Variants in MRPL32 observed in about 807,000 individuals in gnomAD.
MRPL32 encodes the protein mitochondrial ribosomal protein L32.
MRPL32 carries 14 observed loss-of-function variants against 21.7 expected under a neutral mutation model. The observed-to-expected ratio is 0.64, with a 90% CI of 0.43 to 1.01. The LOEUF is 1.01. MRPL32 is among the 50% of genes least tolerant of loss of function. The pLI is 0.00. For synonymous variants in MRPL32, 83 were observed against 87.7 expected, an observed-to-expected ratio of 0.95 and a Z score of 0.30; for missense variants, 211 against 235.9, an observed-to-expected ratio of 0.89 and a Z score of 0.69.
In MRPL32 at chr7:42,932,600, C is replaced by T; in HGVS notation, c.130+84C>T. 3 of 1,422,280 alleles carry T rather than the reference C, an allele frequency of 2.1e-6. No homozygotes were observed. The African/African-American group carries it at 4.3e-5, about 20-fold the overall frequency. 88.1% of individuals were successfully genotyped at this position (1,422,280 alleles called of 1,614,324 possible). On this transcript the variant is annotated intron_variant, in intron 1 of 2. Coordinates refer to ENST00000223324, the MANE Select transcript of MRPL32 (RefSeq NM_031903.3). ...GCAGACGCAGCTTACACAGTTCGCC[C>T]TCAGCCCCGGTTCTGATCCGCGGCC...
At chr7:42,934,226 C>T (rs1277034448) in intron 1 of MRPL32, among the ~76,000 whole-genome samples, 1 of 150,570 alleles carries the variant, frequency 6.6e-6, no homozygotes, top group Admixed American at 6.6e-5. Context: ...CGAGGTCACG[C>T]CACTGCACTC....
In MRPL32 at chr7:42,932,456, T is replaced by C; in HGVS notation, c.70T>C (p.Trp24Arg). The C allele has an allele frequency of 6.2e-7, 1 of 1,612,480 alleles. No homozygotes were observed. The highest frequency in any genetic ancestry group is 8.5e-7 in the Non-Finnish European group (1 of 1,178,804). The change falls in exon 1 of 3, where the codon TGG (tryptophan) becomes CGG (arginine). Residue 24 changes from tryptophan (W) to arginine (R), a missense_variant. This residue lies in a region of MRPL32 where 81 missense variants were observed against 55.8 expected (regional missense o/e 1.45). Coordinates refer to ENST00000223324, the MANE Select transcript of MRPL32 (RefSeq NM_031903.3). ...GGCCCGGGGAGTGCTTCGAAACTAC[T>C]GGGAGCGACTGCTACGGAAGCTTCC... ...SAARGVLRNYWERLLRKLPQS... is the reference protein window; with the variant it reads ...SAARGVLRNYRERLLRKLPQS...
At position 42,935,119 on chromosome 7, in the gene MRPL32, A is replaced by C. The variant is rs768035063; in HGVS notation, c.295A>C (p.Lys99Gln). The change falls in exon 2 of 3, where the codon AAG becomes CAG. Residue 99 changes from lysine to glutamine, a missense_variant. This residue lies in a region of MRPL32 where 130 missense variants were observed against 180.1 expected (regional missense o/e 0.72). Coordinates refer to ENST00000223324, the MANE Select transcript of MRPL32 (RefSeq NM_031903.3). Reference sequence around the variant, plus strand: ...CCGGTGTAGGAGAAGAAATCCGCAGAAGCTTATTAAAGTTAAGGTAATGCA... The same window carrying C: ...CCGGTGTAGGAGAAGAAATCCGCAGCAGCTTATTAAAGTTAAGGTAATGCA... The part of the protein sequence containing the change: ...VNRCRRRNPQ[K>Q]LIKVKNNIDV... 4.3e-6 allele frequency: 7 copies of C among 1,610,178 alleles called. No homozygotes were observed. In the African/African-American group the frequency reaches 9.4e-5, roughly 22 times the overall value.
intron 2 of MRPL32, chr7:42,935,541 A>G (rs987757088): frequency 6.5e-6 from 1 of 154,926 alleles, no homozygotes; most frequent in Non-Finnish European, 1.4e-5. Context: ...ACAAGCCCTT[A>G]CATATTTGTT....
At chr7:42,932,581 G>C (rs1243395510) in intron 1 of MRPL32, 65 bp downstream of exon 1, 8 of 1,503,770 alleles carry the variant, frequency 5.3e-6, no homozygotes, top group African/African-American at 2.8e-5. Context: ...CGTAGCAGAC[G>C]CAGCTTACAC....
chr7:42,932,419 G>A lies in MRPL32; in HGVS notation c.33G>A (p.Ser11=). 1 of 1,611,426 alleles carries A rather than the reference G, an allele frequency of 6.2e-7. No individual in the cohort carries two copies. The highest frequency in any genetic ancestry group is 8.5e-7 in the Non-Finnish European group (1 of 1,178,518). ...TGGCCATGCTGGTCTTGGTGGTTTC[G>A]CCGTGGTCTGCGGCCCGGGGAGTGC... MALAMLVLVV[S]PWSAARGVLR... Residue 11 remains serine, a synonymous_variant, in exon 1 of 3, where the codon TCG becomes TCA. Coordinates refer to ENST00000223324, the MANE Select transcript of MRPL32 (RefSeq NM_031903.3).
chr7:42,935,160 G>T, intron 2 of MRPL32, 24 bp downstream of exon 2: 1 of 1,593,738 alleles, frequency 6.3e-7, no homozygotes, highest in Non-Finnish European at 8.6e-7. Flanking sequence ...TTTTGTGGGT[G>T]TGCTTTTCCT....
In MRPL32 at chr7:42,937,391, G is replaced by A. The variant is rs1562706990; in HGVS notation, c.382G>A (p.Glu128Lys). 3 of 1,614,224 alleles carry A rather than the reference G, an allele frequency of 1.9e-6. No homozygotes were observed. In the South Asian group the frequency reaches 3.3e-5, roughly 18 times the overall value. Reference protein sequence around the residue: ...QKHVLCAYCYEKVCKETAEIR... With the variant: ...QKHVLCAYCYKKVCKETAEIR... Reference sequence around the variant, plus strand: ...ACATGTCCTTTGTGCCTACTGCTATGAAAAGGTGTGCAAGGAGACTGCAGA... The same window carrying A: ...ACATGTCCTTTGTGCCTACTGCTATAAAAAGGTGTGCAAGGAGACTGCAGA... Residue 128 changes from glutamate (E) to lysine (K), a missense_variant, in exon 3 of 3, where the codon GAA (glutamate) becomes AAA (lysine). Physicochemically the swap from Glu to Lys is moderately conservative, Grantham distance 56. Around this residue, in one of 2 missense-constraint regions of MRPL32, gnomAD observed 130 missense variants for 180.1 expected, o/e 0.72. Transcript: ENST00000223324.
intron 2 of MRPL32, chr7:42,936,614 A>G (rs1004857870): frequency 1.3e-5 from 2 of 151,144 alleles, no homozygotes; most frequent in Non-Finnish European, 2.9e-5. Context: ...GAATAAGTTG[A>G]TAAATCTTTT....
At chr7:42,934,917 A>C in intron 1 of MRPL32, 38 bp from the exon 2 acceptor site, 2 of 1,475,418 alleles carry the variant, frequency 1.4e-6, no homozygotes, top group Non-Finnish European at 1.8e-6. Flanking sequence ...TTTAGAAGCT[A>C]GAAACTAATT....
At position 42,935,214 on chromosome 7, in the gene MRPL32, A is replaced by G. The variant is rs1786406297; in HGVS notation, c.312+78A>G. ...AGCTCATGGTAGATTCCTATAGCCT[A>G]GGAATAAATTATTATCAGATTATAT... On this transcript the variant is annotated intron_variant, in intron 2 of 2. Transcript: ENST00000223324. The G allele has an allele frequency of 3.2e-6, 4 of 1,244,790 alleles. No individual in the cohort carries two copies. The South Asian group carries it at 5.9e-5, about 18-fold the overall frequency. The allele number at this position is 1,244,790 out of a possible 1,614,324, so 77.1% of individuals were successfully genotyped here. A position where few individuals can be genotyped will look rare whatever the true frequency, so the allele number is the denominator to read the frequency against.
chr7:42,934,360 CT>C (rs1184545261), intron 1 of MRPL32, among the ~76,000 whole-genome samples: 1 of 151,498 alleles, frequency 6.6e-6, no homozygotes, highest in Non-Finnish European at 1.5e-5. Context: ...AAAAGAGAAA[CT>C]TTGATAGTCA....
At chr7:42,932,543 A>G in intron 1 of MRPL32, 27 bp downstream of exon 1, 1 of 1,575,450 alleles carries the variant, frequency 6.3e-7, no homozygotes, top group South Asian at 1.1e-5. Context: ...TCCGTGGGAG[A>G]GGGGGCTGAT....
chr7:42,935,025 G>A lies in MRPL32; in HGVS notation c.201G>A (p.Glu67=). 1 of 1,614,010 alleles carries A rather than the reference G, an allele frequency of 6.2e-7. No individual in the cohort carries two copies. Among genetic ancestry groups the A allele is most frequent in the South Asian group, 1.1e-5 (1 of 91,076 alleles). The change falls in exon 2 of 3, where the codon GAG becomes GAA. Residue 67 remains glutamate, a synonymous_variant. Coordinates refer to ENST00000223324, the MANE Select transcript of MRPL32 (RefSeq NM_031903.3). ...CAAATGATACCAGTGGAAGTAAAGA[G>A]AATTCCAGCCTTTTGGACAGTATCT... ...EPANDTSGSK[E]NSSLLDSIFW...
At chr7:42,934,663 A>G (rs2128676031) in intron 1 of MRPL32, among the ~76,000 whole-genome samples, 1 of 152,330 alleles carries the variant, frequency 6.6e-6, no homozygotes, top group South Asian at 2.1e-4. Context: ...TGTTCAAGTT[A>G]GGTGCCTATC....
intron 2 of MRPL32, chr7:42,936,613 G>A (rs1274402966): frequency 6.7e-6 from 1 of 150,312 alleles, no homozygotes; most frequent in Non-Finnish European, 1.5e-5. Context: ...AGAATAAGTT[G>A]ATAAATCTTT....
rs754106194 is a variant in MRPL32, at chr7:42,937,171, G to A, written c.313-151G>A. ...AGTGTTGCTTGTCTTCAGTCTTCCT[G>A]TTAAAGTGAGGTGGAACTAGATGGT... is the stretch of plus-strand genomic sequence containing the variant. On this transcript the variant is annotated intron_variant, in intron 2 of 2. Coordinates refer to ENST00000223324, the MANE Select transcript of MRPL32 (RefSeq NM_031903.3). 2.6e-6 allele frequency: 4 copies of A among 1,548,932 alleles called. No individual in the cohort carries two copies. In the Admixed American group the frequency reaches 7.7e-5, roughly 30 times the overall value.
In MRPL32 at chr7:42,937,620, C is replaced by T. The variant is rs1786450577; in HGVS notation, c.*44C>T. 1 of 1,536,928 alleles carries T rather than the reference C, an allele frequency of 6.5e-7. No individual in the cohort carries two copies. The stretch of plus-strand genomic sequence containing the variant: ...GGTAACTTCACAGTAAATCATTTCT[C>T]CTGAAATAGAGGAAGATTCTTTATG... On this transcript the variant is annotated 3_prime_UTR_variant, in exon 3 of 3. Coordinates refer to ENST00000223324, the MANE Select transcript of MRPL32 (RefSeq NM_031903.3).
rs1363169567 is a variant in MRPL32 at position 42,935,135 on chromosome 7, A to T, written c.311A>T (p.Lys104Met). The part of the protein sequence containing the change: ...RRNPQKLIKV[K>M]NNIDVCPECG... The stretch of plus-strand genomic sequence containing the variant: ...AATCCGCAGAAGCTTATTAAAGTTA[A>T]GGTAATGCATTGATTTTTGTGGGTG... Residue 104 changes from lysine (K) to methionine (M), a missense_variant and splice_region_variant, in exon 2 of 3, where the codon AAG becomes ATG. By Grantham distance (95) the Lys-to-Met change is moderately conservative (BLOSUM62 -1). Around this residue, in one of 2 missense-constraint regions of MRPL32, gnomAD observed 130 missense variants for 180.1 expected, o/e 0.72. Coordinates refer to ENST00000223324, the MANE Select transcript of MRPL32 (RefSeq NM_031903.3). The T allele has an allele frequency of 1.9e-6, 3 of 1,609,462 alleles. No individual in the cohort carries two copies. Among genetic ancestry groups the T allele is most frequent in the Non-Finnish European group, 2.5e-6 (3 of 1,178,388 alleles).
Sources: gnomAD v4.1 joint callset for allele counts (sites outside exome capture counted in the v4.1 genomes callset) on GRCh38, gnomAD v4.1.1 for gene constraint, gnomAD v4.1.1 regional missense constraint, MANE v1.5 for transcripts, NCBI Gene and HGNC (gene_info 2026-07-23, HGNC 2026-07-21) for gene names.